The following PLB1 variants were observed in gnomAD, a reference collection of about 807,000 sequenced individuals.
PLB1 encodes phospholipase B1, membrane-associated.
Under a neutral mutation model 227.4 loss-of-function variants are expected in PLB1, and 242 were observed. That is an observed-to-expected ratio of 1.06 (90% CI 0.96 to 1.18). PLB1 has a LOEUF of 1.18. PLB1 is among the 50% of genes most tolerant of loss of function. The pLI, the probability that PLB1 is intolerant of heterozygous loss-of-function variation, is 0.00. For synonymous variants in PLB1, 757 were observed against 682.2 expected (o/e 1.11, Z -1.71); for missense variants, 1,858 against 1,816.3 (o/e 1.02, Z -0.42).
At position 28,563,059 on chromosome 2, in the gene PLB1, C is replaced by A; in HGVS notation, c.1166C>A (p.Ala389Asp). Residue 389 changes from alanine to aspartate, a missense_variant, in exon 18 of 58, where the codon GCT becomes GAT. Coordinates refer to ENST00000327757, the MANE Select transcript of PLB1 (RefSeq NM_153021.5). ...TTCTTAGTTCATAGGCTGAAGCCGG[C>A]TGACATCAACGTAATTGGAGCCCTG... The part of the protein sequence containing the change: ...VPTSVHRLKP[A>D]DINVIGALGD... The A allele has an allele frequency of 6.2e-7, 1 of 1,613,920 alleles. No homozygotes were observed. Among genetic ancestry groups the A allele is most frequent in the Non-Finnish European group, 8.5e-7 (1 of 1,179,804 alleles).
Position 28,620,300 on chromosome 2 carries a change from C to T in PLB1, c.3351C>T (p.Asp1117=), listed in dbSNP as rs1271928968. ...GAGCTCGACCAAACAACTCCAGTGA[C>T]CTACCCACATCTTGGAGGGGACTCT... ...AVGARPNNSS[D]LPTSWRGLSW... Residue 1117 remains aspartate, a synonymous_variant, in exon 47 of 58, where the codon GAC becomes GAT. Transcript: ENST00000327757. 3 of 1,606,316 alleles carry T rather than the reference C, an allele frequency of 1.9e-6. No homozygotes were observed. Among genetic ancestry groups the T allele is most frequent in the African/African-American group, 1.3e-5 (1 of 74,814 alleles).
chr2:28,515,409 A>G (rs1217105751), intron 1 of PLB1, among the ~76,000 whole-genome samples: 2 of 152,142 alleles, frequency 1.3e-5, no homozygotes, highest in African/African-American at 4.8e-5. Context: ...AGCCTTTTCC[A>G]GCACTTTGTG....
intron 43 of PLB1, among the ~76,000 whole-genome samples, chr2:28,609,601 G>A (rs1332582218): frequency 2.6e-5 from 4 of 152,088 alleles, no homozygotes; most frequent in Non-Finnish European, 5.9e-5. Context: ...TTGACGCTCA[G>A]AGCTTCTAAA....
intron 17 of PLB1, among the ~76,000 whole-genome samples, chr2:28,558,184 A>G (rs923947343): frequency 2.0e-5 from 3 of 148,770 alleles, no homozygotes; most frequent in East Asian, 2.1e-4. Flanking sequence ...GTGTGTGTCT[A>G]TGTGTTTTCT....
At chr2:28,547,585 G>A (rs1196843045) in intron 14 of PLB1, among the ~76,000 whole-genome samples, 1 of 152,204 alleles carries the variant, frequency 6.6e-6, no homozygotes, top group Admixed American at 6.5e-5. Context: ...CCTCATGGAG[G>A]TTGGTAGAAG....
chr2:28,535,492 C>T (rs886371592), intron 9 of PLB1, among the ~76,000 whole-genome samples: 2 of 152,246 alleles, frequency 1.3e-5, no homozygotes, highest in African/African-American at 4.8e-5. Context: ...AGTGGTACCT[C>T]TGGCCACACC....
chr2:28,600,702 C>T lies in PLB1; in HGVS notation c.2475-107C>T, dbSNP rs73922192. The T allele has an allele frequency of 8.1e-4, 815 of 1,007,648 alleles. 6 individuals carry two copies. In the African/African-American group the frequency reaches 0.012, roughly 14 times the overall value. 62.4% of individuals were successfully genotyped at this position (1,007,648 alleles called of 1,614,324 possible). On this transcript the variant is annotated intron_variant, in intron 35 of 57. Transcript: ENST00000327757. ...TTCTGAGCCTCGGGATCTCTGCCAG[C>T]TCATGCAGTGGGGATGATACTGTAG...
At chr2:28,620,572 T>C (rs1209318936) in intron 47 of PLB1, 28 bp from the exon 48 acceptor site, 1 of 1,601,576 alleles carries the variant, frequency 6.2e-7, no homozygotes, top group Non-Finnish European at 8.5e-7. Flanking sequence ...TTGGTGTGAG[T>C]TTAACAAATA....
At chr2:28,594,121 T>C in intron 33 of PLB1, 1 of 542,486 alleles carries the variant, frequency 1.8e-6, no homozygotes, top group South Asian at 1.5e-5. Flanking sequence ...TTACTGTCTT[T>C]ATGTGTTTAT....
chr2:28,621,884 T>G (rs1687103059), intron 49 of PLB1, among the ~76,000 whole-genome samples: 1 of 152,240 alleles, frequency 6.6e-6, no homozygotes, highest in South Asian at 2.1e-4. Flanking sequence ...CATTTTGTTG[T>G]TCTTGTACAG....
At chr2:28,568,443 T>G (rs1162651268) in intron 20 of PLB1, among the ~76,000 whole-genome samples, 2 of 152,376 alleles carry the variant, frequency 1.3e-5, no homozygotes, top group African/African-American at 4.8e-5. Context: ...ATCCGCTATT[T>G]AGACTCTTCT....
At chr2:28,610,174 C>T (rs1285863454) in intron 43 of PLB1, among the ~76,000 whole-genome samples, 3 of 152,088 alleles carry the variant, frequency 2.0e-5, no homozygotes, top group Admixed American at 1.3e-4. Flanking sequence ...TATACATGTG[C>T]CATGGTGGTT....
chr2:28,595,182 T>C (rs1469649792), intron 33 of PLB1: 1 of 152,206 alleles, frequency 6.6e-6, no homozygotes, highest in Non-Finnish European at 1.5e-5. Context: ...AATTCAGCCA[T>C]TGCTCTGTTT....
rs1683381422 is a variant in PLB1 at position 28,598,720 on chromosome 2, A to G, written c.2434A>G (p.Asn812Asp). ...AVGTGDANDTNAFLNQAVPGA... is the reference protein window; with the variant it reads ...AVGTGDANDTDAFLNQAVPGA... The stretch of plus-strand genomic sequence containing the variant: ...GGGCACGGGTGATGCCAATGACACG[A>G]ATGCATTCCTCAATCAAGCTGTTCC... The change falls in exon 35 of 58, where the codon AAT becomes GAT. Residue 812 changes from asparagine (N) to aspartate (D), a missense_variant. Asn to Asp is a conservative substitution (Grantham distance 23). Transcript: ENST00000327757. The G allele has an allele frequency of 6.2e-7, 1 of 1,614,232 alleles. No individual in the cohort carries two copies. Among genetic ancestry groups the G allele is most frequent in the East Asian group, 2.2e-5 (1 of 44,886 alleles).
At chr2:28,610,718 T>C (rs961513046) in intron 43 of PLB1, among the ~76,000 whole-genome samples, 6 of 152,182 alleles carry the variant, frequency 3.9e-5, no homozygotes, top group African/African-American at 1.4e-4. Flanking sequence ...CCCATGGAAC[T>C]ACACCTGGTA....
intron 56 of PLB1, among the ~76,000 whole-genome samples, chr2:28,634,050 A>G (rs1329113604): frequency 6.6e-6 from 1 of 151,974 alleles, no homozygotes; most frequent in Non-Finnish European, 1.5e-5. Context: ...TAGCTATACC[A>G]TCTCCTCCTC....
chr2:28,568,358 A>G (rs1358468198), intron 20 of PLB1, among the ~76,000 whole-genome samples: 1 of 152,226 alleles, frequency 6.6e-6, no homozygotes, highest in Non-Finnish European at 1.5e-5. Context: ...TCACCAAAGT[A>G]ATTTACAAAG....
chr2:28,567,618 C>T (rs1247094489), intron 20 of PLB1, among the ~76,000 whole-genome samples: 1 of 151,832 alleles, frequency 6.6e-6, no homozygotes, highest in Non-Finnish European at 1.5e-5. Flanking sequence ...GGACTACAGG[C>T]CCCCGCCACC....
chr2:28,640,707 C>T (rs939659608), intron 56 of PLB1, among the ~76,000 whole-genome samples: 3 of 152,182 alleles, frequency 2.0e-5, no homozygotes, highest in African/African-American at 7.2e-5. Context: ...AGGGTTCTGC[C>T]CTGCCGACAG....
Sources: gnomAD v4.1 joint callset for allele counts (sites outside exome capture counted in the v4.1 genomes callset) on GRCh38, gnomAD v4.1.1 for gene constraint, MANE v1.5 for transcripts, NCBI Gene and HGNC (gene_info 2026-07-23, HGNC 2026-07-21) for gene names.